DENND1B: variants seen among roughly 807,000 people sequenced by gnomAD.
The protein encoded by DENND1B is DENN domain-containing protein 1B.
In DENND1B, 59 loss-of-function variants were observed where a neutral mutation model predicts 90.1. That is an observed-to-expected ratio of 0.65 (90% CI 0.53 to 0.81). The LOEUF is 0.81. Among genes scored for constraint, DENND1B ranks in the 40% least tolerant of loss-of-function variants. DENND1B has a pLI of 0.00. For synonymous variants in DENND1B, 337 were observed against 324.6 expected (o/e 1.04, Z -0.41); for missense variants, 862 against 912.6 (o/e 0.94, Z 0.71).
intron 10 of DENND1B, among the ~76,000 whole-genome samples, chr1:197,639,559 A>G (rs1017887379): frequency 6.6e-6 from 1 of 152,334 alleles, no homozygotes; most frequent in African/African-American, 2.4e-5. Flanking sequence ...CTACAATAGA[A>G]TTATGAATGT....
chr1:197,554,623 AG>A lies in DENND1B; in HGVS notation c.1150-1512del, dbSNP rs797021884. ...GGGAGGCCGAGGTGGAGGGATCACA[AG>A]GTCAAGAGATCGAGACCATCCTAGC... On this transcript the variant is annotated intron_variant, in intron 15 of 22. Coordinates refer to ENST00000620048, the MANE Select transcript of DENND1B (RefSeq NM_001195215.2). Among the ~76,000 whole-genome samples the A allele has an allele frequency of 6.0e-3, 906 of 151,984 alleles. 11 individuals are homozygous for A. The highest frequency in any genetic ancestry group is 0.021 in the African/African-American group (877 of 41,462).
intron 2 of DENND1B, among the ~76,000 whole-genome samples, chr1:197,756,430 C>G (rs1304898053): frequency 6.6e-6 from 1 of 151,966 alleles, no homozygotes; most frequent in Non-Finnish European, 1.5e-5. Flanking sequence ...CAAAAATTAG[C>G]TGGGTGTGGT....
chr1:197,537,798 T>A (rs1004362280), intron 20 of DENND1B, among the ~76,000 whole-genome samples: 32 of 151,602 alleles, frequency 2.1e-4, no homozygotes, highest in Non-Finnish European at 3.8e-4. Flanking sequence ...GACTTTAAAA[T>A]TTTTTTTTAA....
At chr1:197,569,124 A>T (rs1194818905) in intron 15 of DENND1B, among the ~76,000 whole-genome samples, 1 of 152,010 alleles carries the variant, frequency 6.6e-6, no homozygotes, top group African/African-American at 2.4e-5. Flanking sequence ...AAATATTTGG[A>T]AAAAAAACAT....
At chr1:197,550,708 T>G (rs1369029685) in intron 16 of DENND1B, among the ~76,000 whole-genome samples, 1 of 151,466 alleles carries the variant, frequency 6.6e-6, no homozygotes, top group East Asian at 1.9e-4. Context: ...ATATACCTAA[T>G]GTTAAGTGAC....
chr1:197,519,078 G>A (rs940182958), intron 20 of DENND1B, among the ~76,000 whole-genome samples: 2 of 151,898 alleles, frequency 1.3e-5, no homozygotes, highest in African/African-American at 4.8e-5. Flanking sequence ...TTTGTCCAGT[G>A]AAGATGTAAT....
At chr1:197,779,870 T>A (rs1657385141), upstream of DENND1B, among the ~76,000 whole-genome samples, 1 of 152,122 alleles carries the variant, frequency 6.6e-6, no homozygotes, top group South Asian at 2.1e-4. Context: ...TTCTACTTGT[T>A]CATACTTATG....
chr1:197,699,181 G>A (rs1046023350), intron 3 of DENND1B, among the ~76,000 whole-genome samples: 2 of 152,114 alleles, frequency 1.3e-5, no homozygotes, highest in East Asian at 1.9e-4. Flanking sequence ...CTGGCAAATC[G>A]AATCCAGCAG....
intron 10 of DENND1B, among the ~76,000 whole-genome samples, chr1:197,624,100 A>T (rs952843195): frequency 6.6e-6 from 1 of 151,612 alleles, no homozygotes; most frequent in African/African-American, 2.4e-5. Context: ...GAGAAGCAAA[A>T]GACACAGAAT....
intron 2 of DENND1B, among the ~76,000 whole-genome samples, chr1:197,756,865 C>A (rs541713426): frequency 3.3e-5 from 5 of 151,304 alleles, no homozygotes; most frequent in South Asian, 2.1e-4. Flanking sequence ...AAATGTAATA[C>A]ATCTCTCATA....
the DENND1B span, among the ~76,000 whole-genome samples, chr1:197,781,974 A>G: frequency 6.6e-6 from 1 of 152,322 alleles, no homozygotes; most frequent in South Asian, 2.1e-4. Flanking sequence ...CAAAAATTGT[A>G]AATAAATTTT....
chr1:197,556,705 T>A (rs1402312409), intron 15 of DENND1B, among the ~76,000 whole-genome samples: 1 of 151,988 alleles, frequency 6.6e-6, no homozygotes, highest in African/African-American at 2.4e-5. Context: ...AGACTATTTC[T>A]CCTTCTGTAA....
chr1:197,621,447 A>G (rs974818234), intron 10 of DENND1B, among the ~76,000 whole-genome samples: 1 of 151,426 alleles, frequency 6.6e-6, no homozygotes, highest in Non-Finnish European at 1.5e-5. Flanking sequence ...TTAAAGGAAA[A>G]TAAACTACAT....
chr1:197,680,305 A>C (rs2125997816), intron 3 of DENND1B, among the ~76,000 whole-genome samples: 1 of 152,332 alleles, frequency 6.6e-6, no homozygotes, highest in East Asian at 1.9e-4. Flanking sequence ...ATTCACTCCT[A>C]TACTAACTAG....
chr1:197,543,727 G>A (rs183749492), intron 18 of DENND1B, among the ~76,000 whole-genome samples: 1 of 152,072 alleles, frequency 6.6e-6, no homozygotes, highest in Non-Finnish European at 1.5e-5. Context: ...TATGGTTAGG[G>A]ATCAAATAAT....
intron 15 of DENND1B, among the ~76,000 whole-genome samples, chr1:197,580,258 ATTT>A (rs36028786): frequency 2.7e-5 from 3 of 113,180 alleles, no homozygotes; most frequent in African/African-American, 6.9e-5. Flanking sequence ...CGCCCAGCTA[ATTT>A]TTTTTTTTTT....
At chr1:197,655,563 G>A (rs1174204341) in intron 6 of DENND1B, among the ~76,000 whole-genome samples, 7 of 148,720 alleles carry the variant, frequency 4.7e-5, no homozygotes, top group Non-Finnish European at 7.4e-5. Flanking sequence ...ACGGAGTCTC[G>A]CTCTGTCGCC....
chr1:197,678,566 C>T (rs1328020643), intron 3 of DENND1B, among the ~76,000 whole-genome samples: 8 of 152,062 alleles, frequency 5.3e-5, no homozygotes, highest in Non-Finnish European at 1.2e-4. Context: ...CTGAGATTCC[C>T]GAACAGCACT....
At chr1:197,753,648 G>C (rs1165954449) in intron 2 of DENND1B, among the ~76,000 whole-genome samples, 1 of 152,060 alleles carries the variant, frequency 6.6e-6, no homozygotes, top group Non-Finnish European at 1.5e-5. Flanking sequence ...GTCAGGGCAA[G>C]TGATATATGG....
Sources: allele counts gnomAD v4.1 joint callset (sites outside exome capture counted in the v4.1 genomes callset), GRCh38; gene constraint gnomAD v4.1.1; transcripts MANE v1.5; gene names NCBI Gene and HGNC (gene_info 2026-07-23, HGNC 2026-07-21).